IQGAP1: variants seen among roughly 807,000 people sequenced by gnomAD.
IQGAP1 encodes ras GTPase-activating-like protein IQGAP1.
In IQGAP1, 66 loss-of-function variants were observed where a neutral mutation model predicts 215.6. The ratio of observed to expected loss-of-function variants is 0.31; its 90% confidence interval spans 0.25 to 0.38. IQGAP1 has a LOEUF of 0.38. Among genes scored for constraint, IQGAP1 ranks in the 10% least tolerant of loss-of-function variants. The pLI is 1.00. For missense variants in IQGAP1, 1,712 were observed against 1,997.1 expected (o/e 0.86, Z 2.72); for synonymous variants, 772 against 728.7 (o/e 1.06, Z -0.96).
chr15:90,474,025 A>G, intron 21 of IQGAP1, 39 bp from the exon 22 acceptor site: 1 of 1,595,416 alleles, frequency 6.3e-7, no homozygotes, highest in Non-Finnish European at 8.5e-7. Flanking sequence ...TTTTTGGTAG[A>G]CAGATGAACA....
chr15:90,478,128 A>G (rs1190258719), intron 26 of IQGAP1, among the ~76,000 whole-genome samples: 1 of 151,994 alleles, frequency 6.6e-6, no homozygotes, highest in East Asian at 1.9e-4. Flanking sequence ...AGTAGCTGGG[A>G]TTACAGTTGC....
intron 2 of IQGAP1, among the ~76,000 whole-genome samples, chr15:90,421,525 G>GA (rs1965136463): frequency 6.6e-6 from 1 of 151,972 alleles, no homozygotes; most frequent in Non-Finnish European, 1.5e-5. Flanking sequence ...TATATTTGGG[G>GA]AAAAAAGGAG....
chr15:90,408,989 G>A (rs997759188), intron 2 of IQGAP1, among the ~76,000 whole-genome samples: 1 of 152,044 alleles, frequency 6.6e-6, no homozygotes, highest in Non-Finnish European at 1.5e-5. Context: ...CCCTGTAGCA[G>A]TGGGAAAAAC....
intron 9 of IQGAP1, among the ~76,000 whole-genome samples, chr15:90,447,337 G>A (rs1423636391): frequency 1.3e-5 from 2 of 151,980 alleles, no homozygotes; most frequent in South Asian, 2.1e-4. Flanking sequence ...CTTTTCTTCC[G>A]CCCTTTTTTT....
intron 2 of IQGAP1, among the ~76,000 whole-genome samples, chr15:90,417,237 T>G (rs984911688): frequency 2.0e-5 from 3 of 152,222 alleles, no homozygotes; most frequent in African/African-American, 7.2e-5. Context: ...CAATTTTGGC[T>G]TTTGTTGCCA....
intron 22 of IQGAP1, 159 bp from the exon 23 acceptor site, chr15:90,474,326 A>G (rs1965948487): frequency 4.0e-6 from 3 of 754,646 alleles, no homozygotes; most frequent in Non-Finnish European, 6.6e-6. Flanking sequence ...TTATCATAAC[A>G]TAGCAATAGC....
Position 90,481,988 on chromosome 15 carries a change from C to T in IQGAP1, c.3358C>T (p.Gln1120Ter), listed in dbSNP as rs184277942. ...ACTGCCCTATGATGTGACCCCTGAG[C>T]AGGCGCTAGCTCATGAAGAAGTGAA... is the stretch of plus-strand genomic sequence containing the variant. ...SKLPYDVTPE[Q>*]ALAHEEVKTR... The change falls in exon 27 of 38, where the codon CAG becomes TAG. Residue 1120 changes from glutamine (Q) to a stop codon, truncating the protein, a stop_gained. Coordinates refer to ENST00000268182, the MANE Select transcript of IQGAP1 (RefSeq NM_003870.4). LOFTEE classifies it high-confidence loss of function. The T allele has an allele frequency of 2.5e-6, 4 of 1,614,230 alleles. No individual in the cohort carries two copies. Among genetic ancestry groups the T allele is most frequent in the Non-Finnish European group, 1.7e-6 (2 of 1,180,040 alleles).
Position 90,390,816 on chromosome 15 carries a change from A to G in IQGAP1, c.98A>G (p.Glu33Gly). Residue 33 changes from glutamate (E) to glycine (G), a missense_variant, in exon 2 of 38, where the codon GAA (glutamate) becomes GGA (glycine). Around this residue, in one of 2 missense-constraint regions of IQGAP1, gnomAD observed 1,021 missense variants for 1,074.2 expected, o/e 0.95. Coordinates refer to ENST00000268182, the MANE Select transcript of IQGAP1 (RefSeq NM_003870.4). ...AGACTTACTGCAGAGGAGATGGATG[A>G]AAGGAGACGTCAGAACGTGGCTTAT... Reference protein sequence around the residue: ...NERLTAEEMDERRRQNVAYEY... With the variant: ...NERLTAEEMDGRRRQNVAYEY... 6.2e-7 allele frequency: 1 copy of G among 1,613,384 alleles called. No individual in the cohort carries two copies. The highest frequency in any genetic ancestry group is 8.5e-7 in the Non-Finnish European group (1 of 1,179,292).
intron 2 of IQGAP1, among the ~76,000 whole-genome samples, chr15:90,411,442 G>A (rs1964964712): frequency 6.6e-6 from 1 of 151,962 alleles, no homozygotes; most frequent in South Asian, 2.1e-4. Flanking sequence ...CACCTCACCT[G>A]GCAGTACTGT....
chr15:90,450,858 G>T (rs1965595366), intron 11 of IQGAP1, among the ~76,000 whole-genome samples: 2 of 133,546 alleles, frequency 1.5e-5, no homozygotes, highest in South Asian at 2.3e-4. Context: ...TATATATTAT[G>T]GTTATTGTTC....
In IQGAP1 at chr15:90,441,583, C is replaced by A; in HGVS notation, c.727C>A (p.Pro243Thr). ...CGACACATTTGCAGCTTTGAAAAATCCGAATGCCATGCTTGTAAATCTTGA... is the reference window on the plus strand; with the variant it reads ...CGACACATTTGCAGCTTTGAAAAATACGAATGCCATGCTTGTAAATCTTGA... Reference protein sequence around the residue: ...PADTFAALKNPNAMLVNLEEP... With the variant: ...PADTFAALKNTNAMLVNLEEP... Residue 243 changes from proline to threonine, a missense_variant, in exon 8 of 38, where the codon CCG (proline) becomes ACG (threonine). Coordinates refer to ENST00000268182, the MANE Select transcript of IQGAP1 (RefSeq NM_003870.4). 1 of 1,613,818 alleles carries A rather than the reference C, an allele frequency of 6.2e-7. No individual in the cohort carries two copies. The highest frequency in any genetic ancestry group is 8.5e-7 in the Non-Finnish European group (1 of 1,179,906).
chr15:90,494,212 C>T (rs1324758420), intron 35 of IQGAP1: 3 of 152,204 alleles, frequency 2.0e-5, no homozygotes, highest in African/African-American at 7.2e-5. Context: ...CACTTCTTGC[C>T]TTGATTATCC....
chr15:90,473,249 C>G (rs572702706), intron 19 of IQGAP1, among the ~76,000 whole-genome samples: 26 of 152,224 alleles, frequency 1.7e-4, no homozygotes, highest in Middle Eastern at 3.4e-3. Context: ...TAAGACTGTA[C>G]CTTTCTGTAA....
chr15:90,480,470 C>T (rs1966042469), intron 26 of IQGAP1, among the ~76,000 whole-genome samples: 2 of 152,202 alleles, frequency 1.3e-5, no homozygotes, highest in South Asian at 4.2e-4. Flanking sequence ...TATTGATTCC[C>T]TTGCTGGTTA....
At chr15:90,492,747 A>C in intron 35 of IQGAP1, 36 bp downstream of exon 35, 1 of 1,558,404 alleles carries the variant, frequency 6.4e-7, no homozygotes, top group South Asian at 1.2e-5. Context: ...TCAATGTCAG[A>C]ATTAGAGTGA....
intron 2 of IQGAP1, chr15:90,392,045 A>T (rs1366524228): frequency 6.6e-6 from 1 of 152,218 alleles, no homozygotes; most frequent in Non-Finnish European, 1.5e-5. Context: ...AAATGTTAAC[A>T]TTTGAGATAT....
chr15:90,434,052 A>G (rs551186830), intron 5 of IQGAP1, among the ~76,000 whole-genome samples: 1 of 152,204 alleles, frequency 6.6e-6, no homozygotes, highest in Admixed American at 6.5e-5. Context: ...TTGATCTAGT[A>G]TTTCTGTGAA....
chr15:90,429,436 G>C (rs894157924), intron 3 of IQGAP1, among the ~76,000 whole-genome samples, 153 bp from the exon 4 acceptor site: 24 of 152,196 alleles, frequency 1.6e-4, no homozygotes, highest in African/African-American at 5.5e-4. Context: ...CTGAGATGTG[G>C]ATTTGGCTTT....
At position 90,487,561 on chromosome 15, in the gene IQGAP1, A is replaced by G; in HGVS notation, c.4227A>G (p.Glu1409=). Residue 1409 remains glutamate (E), a synonymous_variant, in exon 33 of 38, where the codon GAA becomes GAG. Coordinates refer to ENST00000268182, the MANE Select transcript of IQGAP1 (RefSeq NM_003870.4). The part of the protein sequence containing the change: ...QPGETLTEIL[E]TPATSEQEAE... The stretch of plus-strand genomic sequence containing the variant: ...GAGAGACCTTGACTGAAATCCTAGA[A>G]ACACCAGCCACCAGTGAACAGGTAA... The G allele has an allele frequency of 6.2e-7, 1 of 1,613,842 alleles. No homozygotes were observed. The highest frequency in any genetic ancestry group is 8.5e-7 in the Non-Finnish European group (1 of 1,179,722).
Sources: allele counts gnomAD v4.1 joint callset (sites outside exome capture counted in the v4.1 genomes callset), GRCh38; gene constraint gnomAD v4.1.1; regional missense constraint gnomAD v4.1.1; transcripts MANE v1.5; gene names NCBI Gene and HGNC (gene_info 2026-07-23, HGNC 2026-07-21).